The following AFF1 variants were observed in gnomAD, a reference collection of about 807,000 sequenced individuals.
AFF1 encodes AF4/FMR2 family member 1.
A neutral mutation model predicts 121.7 loss-of-function variants in AFF1; 48 were observed. The observed-to-expected ratio is 0.39, with a 90% confidence interval of 0.31 to 0.50. The LOEUF is 0.50. Among genes scored for constraint, AFF1 ranks in the 20% least tolerant of loss-of-function variants. The probability of loss-of-function intolerance (pLI) is 0.76; values close to 1 mark genes in which losing one functional copy is unlikely to be tolerated. For synonymous variants in AFF1, 613 were observed against 563.0 expected (o/e 1.09, Z -1.26); for missense variants, 1,523 against 1,511.7 (o/e 1.01, Z -0.12).
chr4:87,109,262 G>A (rs896861803), intron 11 of AFF1, among the ~76,000 whole-genome samples: 1 of 152,110 alleles, frequency 6.6e-6, no homozygotes, highest in Admixed American at 6.5e-5. Context: ...AGTTCCAATG[G>A]GGCATTAACT....
intron 2 of AFF1, among the ~76,000 whole-genome samples, chr4:86,953,627 C>T (rs1210739752): frequency 1.3e-5 from 2 of 152,186 alleles, no homozygotes; most frequent in East Asian, 3.8e-4. Context: ...CTTCCGTCCC[C>T]CTTTTTAATA....
chr4:87,131,339 A>G, intron 17 of AFF1, 120 bp downstream of exon 17: 1 of 1,344,676 alleles, frequency 7.4e-7, no homozygotes, highest in Non-Finnish European at 1.0e-6. Context: ...TAAAAAAGTT[A>G]TTGGTCTAAG....
At chr4:87,059,612 CT>C (rs1333942656) in intron 4 of AFF1, among the ~76,000 whole-genome samples, 1 of 152,126 alleles carries the variant, frequency 6.6e-6, no homozygotes. Flanking sequence ...TTTCAAGATC[CT>C]TCAGTACCTC....
At chr4:86,998,297 AAGC>A in intron 2 of AFF1, among the ~76,000 whole-genome samples, 1 of 152,196 alleles carries the variant, frequency 6.6e-6, no homozygotes, top group Non-Finnish European at 1.5e-5. Context: ...ACATGCAAAC[AAGC>A]TAGTCTCGCT....
chr4:87,048,034 A>G (rs908811988), intron 4 of AFF1: 10 of 197,794 alleles, frequency 5.1e-5, no homozygotes, highest in Admixed American at 1.6e-4. Flanking sequence ...ATTTTTTTTG[A>G]TTAATACCTC....
At chr4:86,998,714 C>T (rs892028944) in intron 2 of AFF1, among the ~76,000 whole-genome samples, 4 of 151,918 alleles carry the variant, frequency 2.6e-5, no homozygotes, top group African/African-American at 9.7e-5. Flanking sequence ...TCTTCCTTGT[C>T]ATTAAGTATT....
At chr4:86,980,251 A>G (rs1226458498) in intron 2 of AFF1, among the ~76,000 whole-genome samples, 1 of 152,224 alleles carries the variant, frequency 6.6e-6, no homozygotes, top group Non-Finnish European at 1.5e-5. Flanking sequence ...AAAATATGAA[A>G]AAAATGTCCA....
intron 2 of AFF1, among the ~76,000 whole-genome samples, chr4:87,042,060 A>G (rs2149604230): frequency 6.6e-6 from 1 of 151,750 alleles, no homozygotes; most frequent in East Asian, 1.9e-4. Flanking sequence ...CATGTAGGGT[A>G]TTTGCCGCCT....
intron 8 of AFF1, among the ~76,000 whole-genome samples, chr4:87,102,522 G>C (rs1485912450): frequency 6.6e-6 from 1 of 152,128 alleles, no homozygotes; most frequent in African/African-American, 2.4e-5. Context: ...CTTAGAATGT[G>C]AAGGGATGGT....
chr4:86,978,987 C>A (rs1055469155), intron 2 of AFF1, among the ~76,000 whole-genome samples: 5 of 152,162 alleles, frequency 3.3e-5, no homozygotes, highest in African/African-American at 1.2e-4. Flanking sequence ...GAAAACTATT[C>A]CTCTAGTGGT....
At chr4:87,050,655 G>A (rs538656589) in intron 4 of AFF1, among the ~76,000 whole-genome samples, 2 of 152,282 alleles carry the variant, frequency 1.3e-5, no homozygotes, top group Admixed American at 6.5e-5. Flanking sequence ...GTCGGTTTCC[G>A]ACTAGAGGCC....
intron 2 of AFF1, among the ~76,000 whole-genome samples, chr4:87,028,243 T>G (rs1728724173): frequency 6.6e-6 from 1 of 152,144 alleles, no homozygotes; most frequent in African/African-American, 2.4e-5. Context: ...ATATAAGTTG[T>G]GGGAGAGTAT....
intron 6 of AFF1, among the ~76,000 whole-genome samples, 180 bp from the exon 7 acceptor site, chr4:87,091,613 A>G (rs1258981578): frequency 6.6e-6 from 1 of 152,214 alleles, no homozygotes; most frequent in African/African-American, 2.4e-5. Context: ...TGCAAGTCAT[A>G]ATGAAATAAT....
At chr4:86,938,825 A>G (rs1023690331) in intron 1 of AFF1, among the ~76,000 whole-genome samples, 2 of 152,240 alleles carry the variant, frequency 1.3e-5, no homozygotes, top group African/African-American at 4.8e-5. Flanking sequence ...CAGGGTTGCT[A>G]ATAGGAGTTT....
At position 87,108,154 on chromosome 4, in the gene AFF1, T is replaced by C. The variant is rs1726109070; in HGVS notation, c.1377-5T>C. 1 of 1,613,076 alleles carries C rather than the reference T, an allele frequency of 6.2e-7. No individual in the cohort carries two copies. Among genetic ancestry groups the C allele is most frequent in the South Asian group, 1.1e-5 (1 of 90,994 alleles). On this transcript the variant is annotated splice_region_variant and splice_polypyrimidine_tract_variant and intron_variant, in intron 10 of 20. Coordinates refer to ENST00000395146, the MANE Select transcript of AFF1 (RefSeq NM_001166693.3). ...TTCTAATTTTATCTTTTGGTTGCTT[T>C]GCAGTGCTCCACAGTCCCTTCCAGA...
chr4:86,950,659 G>C (rs905826747), intron 2 of AFF1, among the ~76,000 whole-genome samples: 1 of 152,154 alleles, frequency 6.6e-6, no homozygotes, highest in Admixed American at 6.5e-5. Context: ...GTTCATTTAG[G>C]AAATTATTCA....
In AFF1 at chr4:87,071,521, T is replaced by A. The variant is rs573186088; in HGVS notation, c.1060-12599T>A. ...AGTTGAAAGACCTTTAAATTTTTTT[T>A]AATAATACACTTCCTTCCCCACCCC... is the stretch of plus-strand genomic sequence containing the variant. On this transcript the variant is annotated intron_variant, in intron 4 of 20. Transcript: ENST00000395146. Among the ~76,000 whole-genome samples, 6 of 152,244 alleles carry A rather than the reference T, an allele frequency of 3.9e-5. No individual in the cohort carries two copies. The South Asian group carries it at 6.2e-4, about 16-fold the overall frequency.
At chr4:86,974,575 G>C (rs1025823187) in intron 2 of AFF1, among the ~76,000 whole-genome samples, 4 of 152,162 alleles carry the variant, frequency 2.6e-5, no homozygotes, top group African/African-American at 4.8e-5. Context: ...TGAAGCTGCT[G>C]TTTTTCCAAG....
At chr4:87,116,673 T>G (rs1560644566) in intron 12 of AFF1, among the ~76,000 whole-genome samples, 1 of 152,252 alleles carries the variant, frequency 6.6e-6, no homozygotes, top group Admixed American at 6.5e-5. Context: ...CTTCAGAACC[T>G]CCTTGCAGCA....
Sources: gnomAD v4.1 joint callset for allele counts (sites outside exome capture counted in the v4.1 genomes callset) on GRCh38, gnomAD v4.1.1 for gene constraint, MANE v1.5 for transcripts, NCBI Gene and HGNC (gene_info 2026-07-23, HGNC 2026-07-21) for gene names.